Variants in RBPJ observed in about 807,000 individuals in gnomAD.
RBPJ encodes the protein recombination signal binding protein for immunoglobulin kappa J region, also known as recombining binding protein suppressor of hairless.
A neutral mutation model predicts 67.8 loss-of-function variants in RBPJ; 9 were observed. The observed-to-expected ratio is 0.13, with a 90% CI of 0.08 to 0.23. RBPJ has a LOEUF of 0.23. Among genes scored for constraint, RBPJ ranks in the 10% least tolerant of loss-of-function variants. RBPJ has a pLI of 1.00. For synonymous variants in RBPJ, 198 were observed against 203.3 expected (o/e 0.97, Z 0.22); for missense variants, 305 against 595.6 (o/e 0.51, Z 5.08).
intron 1 of RBPJ, among the ~76,000 whole-genome samples, chr4:26,326,840 C>T (rs1209092669): frequency 6.6e-6 from 1 of 152,268 alleles, no homozygotes; most frequent in African/African-American, 2.4e-5. Flanking sequence ...ACTTTTTATA[C>T]TGCAAGCTGT....
At chr4:26,325,720 C>G (rs951812085) in intron 1 of RBPJ, among the ~76,000 whole-genome samples, 1 of 152,132 alleles carries the variant, frequency 6.6e-6, no homozygotes, top group Admixed American at 6.5e-5. Flanking sequence ...GAGTTGTTTG[C>G]CATTTTCTCT....
At chr4:26,141,898 A>G in the RBPJ span, among the ~76,000 whole-genome samples, 1 of 152,250 alleles carries the variant, frequency 6.6e-6, no homozygotes, top group Non-Finnish European at 1.5e-5. Flanking sequence ...CAAAAGAAGC[A>G]ATCAAAAACA....
intron 3 of RBPJ, among the ~76,000 whole-genome samples, chr4:26,408,910 T>TTG (rs1212427178): frequency 1.3e-5 from 2 of 152,246 alleles, no homozygotes; most frequent in Non-Finnish European, 2.9e-5. Context: ...TACTTAAACT[T>TTG]TGTAAACTTA....
At chr4:26,160,379 T>C (rs1458160721), upstream of RBPJ, among the ~76,000 whole-genome samples, 3 of 152,216 alleles carry the variant, frequency 2.0e-5, no homozygotes, top group Non-Finnish European at 4.4e-5. Context: ...CCAAGTGTTT[T>C]TTACCAAAAT....
chr4:26,177,434 G>T (rs1289013666), intron 1 of RBPJ, among the ~76,000 whole-genome samples: 1 of 152,094 alleles, frequency 6.6e-6, no homozygotes, highest in Non-Finnish European at 1.5e-5. Flanking sequence ...AAAATTAGCT[G>T]GGCCTAGTGT....
intron 1 of RBPJ, among the ~76,000 whole-genome samples, chr4:26,325,482 G>C (rs1380251786): frequency 2.0e-5 from 3 of 152,104 alleles, no homozygotes; most frequent in African/African-American, 7.2e-5. Flanking sequence ...TTCTGTCTCT[G>C]GCACTTAAAA....
chr4:26,284,905 G>A (rs1721411058), intron 1 of RBPJ, among the ~76,000 whole-genome samples: 1 of 151,568 alleles, frequency 6.6e-6, no homozygotes, highest in African/African-American at 2.4e-5. Flanking sequence ...CACCCAGGCT[G>A]GAGTGCAGTG....
At chr4:26,239,599 A>G (rs1408967168) in intron 1 of RBPJ, among the ~76,000 whole-genome samples, 1 of 152,200 alleles carries the variant, frequency 6.6e-6, no homozygotes, top group Non-Finnish European at 1.5e-5. Flanking sequence ...ACTAAAAGCA[A>G]ATGTCAACCA....
At chr4:26,172,953 G>A (rs954495480) in intron 1 of RBPJ, among the ~76,000 whole-genome samples, 1 of 152,186 alleles carries the variant, frequency 6.6e-6, no homozygotes, top group Non-Finnish European at 1.5e-5. Context: ...CAAGTGAAAG[G>A]ATATTAGGGG....
chr4:26,426,607 G>A (rs1285770865), intron 7 of RBPJ, among the ~76,000 whole-genome samples: 1 of 152,140 alleles, frequency 6.6e-6, no homozygotes. Context: ...CCCATGTAAA[G>A]GATTTATGTA....
intron 2 of RBPJ, among the ~76,000 whole-genome samples, chr4:26,386,692 C>T (rs1192330167): frequency 1.3e-5 from 2 of 152,080 alleles, no homozygotes; most frequent in Non-Finnish European, 2.9e-5. Context: ...CTATGGTTAG[C>T]CCATCACAAT....
At chr4:26,270,355 GAGAAAGAA>G (rs1179109682) in intron 1 of RBPJ, among the ~76,000 whole-genome samples, 626 of 52,038 alleles carry the variant, frequency 0.012, 11 homozygotes, top group African/African-American at 0.026. Context: ...GAGAGAGCAA[GAGAAAGAA>G]AGAAAGAAAG....
the RBPJ span, among the ~76,000 whole-genome samples, chr4:26,151,739 A>G: frequency 1.3e-4 from 20 of 152,234 alleles, no homozygotes; most frequent in Non-Finnish European, 2.4e-4. Flanking sequence ...CTATCGGTTT[A>G]GGGTATCCTA....
chr4:26,391,792 G>A (rs1026845809), intron 2 of RBPJ, among the ~76,000 whole-genome samples: 1 of 152,218 alleles, frequency 6.6e-6, no homozygotes, highest in Non-Finnish European at 1.5e-5. Flanking sequence ...TTAAGGAAGT[G>A]CAAATTAAGA....
rs370271994 is a variant in RBPJ, at chr4:26,404,531, ATC to A, written c.60-1641_60-1640del. Among the ~76,000 whole-genome samples the A allele has an allele frequency of 4.7e-4, 72 of 152,298 alleles. 1 individual carries two copies. Among genetic ancestry groups the A allele is most frequent in the African/African-American group, 1.7e-3 (71 of 41,556 alleles). ...ATTCACTGCCGTGGCTCACCTTAGA[ATC>A]TCACAAAATTTGTGTGAATTCCTGA... On this transcript the variant is annotated intron_variant, in intron 2 of 10. Transcript: ENST00000355476.
At chr4:26,421,645 G>T (rs1735147955) in intron 5 of RBPJ, among the ~76,000 whole-genome samples, 1 of 151,986 alleles carries the variant, frequency 6.6e-6, no homozygotes, top group South Asian at 2.1e-4. Context: ...TAGCCACCCA[G>T]CCTCAACAGG....
chr4:26,336,655 CAA>C (rs11394703), intron 1 of RBPJ, among the ~76,000 whole-genome samples: 2 of 137,988 alleles, frequency 1.4e-5, no homozygotes, highest in African/African-American at 2.8e-5. Flanking sequence ...GTTTCTTTAC[CAA>C]AAAAAAAAAA....
At chr4:26,224,708 G>A (rs1240539142) in intron 1 of RBPJ, among the ~76,000 whole-genome samples, 1 of 152,160 alleles carries the variant, frequency 6.6e-6, no homozygotes, top group East Asian at 1.9e-4. Context: ...AGCTTCTACT[G>A]AAGCATGGTG....
chr4:26,154,453 C>T, the RBPJ span, among the ~76,000 whole-genome samples: 1 of 152,152 alleles, frequency 6.6e-6, no homozygotes, highest in Non-Finnish European at 1.5e-5. Flanking sequence ...GTGGACTCAC[C>T]TGCTTTTCTG....
Sources: allele counts gnomAD v4.1 joint callset (sites outside exome capture counted in the v4.1 genomes callset), GRCh38; gene constraint gnomAD v4.1.1; transcripts MANE v1.5; gene names NCBI Gene and HGNC (gene_info 2026-07-23, HGNC 2026-07-21).